The following PUDP variants were observed in gnomAD, a reference collection of about 807,000 sequenced individuals.
PUDP encodes the protein pseudouridine-5'-phosphatase.
A neutral mutation model predicts 9.4 loss-of-function variants in PUDP; 8 were observed. That is an observed-to-expected ratio of 0.85 (90% CI 0.50 to 1.53). The LOEUF (loss-of-function observed/expected upper bound fraction) is 1.53. Among genes scored for constraint, PUDP ranks in the 40% most tolerant of loss-of-function variants. The pLI is 0.00. For missense variants in PUDP, 188 were observed against 189.7 expected (o/e 0.99, Z 0.05); for synonymous variants, 99 against 80.7 (o/e 1.23, Z -1.22).
chrX:6,917,569 C>T (rs184059144), intron 3 of PUDP, among the ~76,000 whole-genome samples: 11 of 110,835 alleles, frequency 9.9e-5, no homozygotes, highest in African/African-American at 2.9e-4. Flanking sequence ...AAAATAGGGC[C>T]GACACATGAT....
intron 3 of PUDP, among the ~76,000 whole-genome samples, chrX:7,068,426 G>C (rs938246466): frequency 5.4e-5 from 6 of 111,884 alleles, no homozygotes; most frequent in Non-Finnish European, 9.4e-5. Context: ...CGTATATCGT[G>C]CATTGATAGC....
At chrX:7,112,494 T>A (rs1347181258) in intron 1 of PUDP, among the ~76,000 whole-genome samples, 2 of 111,861 alleles carry the variant, frequency 1.8e-5, no homozygotes, top group East Asian at 2.8e-4. Flanking sequence ...ATCTTGAGCA[T>A]AATTTTTATT....
At chrX:7,112,849 G>C (rs375212782) in intron 1 of PUDP, among the ~76,000 whole-genome samples, 6 of 110,808 alleles carry the variant, frequency 5.4e-5, no homozygotes, top group African/African-American at 1.6e-4. Context: ...TTTTTGTAGA[G>C]ACACGGTCTC....
chrX:6,814,373 C>T (rs1282093092), intron 3 of PUDP, among the ~76,000 whole-genome samples: 1 of 111,327 alleles, frequency 9.0e-6, no homozygotes, highest in East Asian at 2.8e-4. Context: ...ATTCTTTCAA[C>T]TATTACCCAT....
At chrX:6,959,750 A>G (rs1928680372) in intron 3 of PUDP, among the ~76,000 whole-genome samples, 1 of 112,601 alleles carries the variant, frequency 8.9e-6, no homozygotes, top group South Asian at 3.7e-4. Flanking sequence ...GCTCTTCAGT[A>G]AAATGGTGGG....
rs192372704 is a variant in PUDP, at chrX:6,823,326, G to T, written c.*248-116860C>A. On this transcript the variant is annotated intron_variant and NMD_transcript_variant, in intron 3 of 3. Coordinates refer to the PUDP transcript ENST00000655425. The stretch of plus-strand genomic sequence containing the variant: ...CTTGCAAGGCTGTCTATTGTGGGGG[G>T]ATATTTGCATCTACAGAGAATCACC... Among the ~76,000 whole-genome samples the T allele has an allele frequency of 1.7e-3, 192 of 112,247 alleles. 1 individual carries two copies. The highest frequency in any genetic ancestry group is 6.0e-3 in the African/African-American group (186 of 30,917).
At chrX:6,849,607 T>C (rs1926798777) in intron 3 of PUDP, among the ~76,000 whole-genome samples, 1 of 111,795 alleles carries the variant, frequency 8.9e-6, no homozygotes, top group Non-Finnish European at 1.9e-5. Flanking sequence ...GTTATACATA[T>C]GCATTTAATC....
chrX:6,941,982 A>T (rs977113924), intron 3 of PUDP, among the ~76,000 whole-genome samples: 1 of 111,946 alleles, frequency 8.9e-6, no homozygotes, highest in African/African-American at 3.2e-5. Flanking sequence ...TCTCCCTTAT[A>T]TAAGTGGGAA....
At chrX:6,866,065 C>T (rs1316407404) in intron 3 of PUDP, among the ~76,000 whole-genome samples, 1 of 110,637 alleles carries the variant, frequency 9.0e-6, no homozygotes, top group Admixed American at 9.7e-5. Flanking sequence ...TGATTACAGG[C>T]ACGTGCCACC....
intron 3 of PUDP, among the ~76,000 whole-genome samples, chrX:6,776,960 G>A (rs183555669): frequency 9.2e-4 from 103 of 112,347 alleles, no homozygotes; most frequent in Non-Finnish European, 1.8e-3. Flanking sequence ...AAATTACAGC[G>A]TTTAGACATT....
chrX:7,091,660 C>CA (rs1439096495), intron 2 of PUDP, among the ~76,000 whole-genome samples: 1 of 111,557 alleles, frequency 9.0e-6, no homozygotes, highest in Non-Finnish European at 1.9e-5. Context: ...CTTTTTCTTT[C>CA]ATTGGCTTTC....
chrX:7,117,616 G>A (rs1320123178), intron 1 of PUDP, among the ~76,000 whole-genome samples: 3 of 113,058 alleles, frequency 2.7e-5, no homozygotes, highest in African/African-American at 9.6e-5. Flanking sequence ...AAAAAGTTTA[G>A]GAAATATGCT....
chrX:6,725,298 T>C (rs768210155), upstream of PUDP, among the ~76,000 whole-genome samples: 45 of 112,212 alleles, frequency 4.0e-4, no homozygotes, highest in African/African-American at 1.4e-3. Context: ...GTACATTGTA[T>C]AGTGGTGAAG....
At chrX:6,901,977 G>A (rs1413398873) in intron 3 of PUDP, among the ~76,000 whole-genome samples, 2 of 110,641 alleles carry the variant, frequency 1.8e-5, no homozygotes, top group African/African-American at 3.3e-5. Flanking sequence ...AGGCACAAGC[G>A]ATTCTTCCCC....
At chrX:6,802,741 C>T (rs1000694549) in intron 3 of PUDP, among the ~76,000 whole-genome samples, 3 of 108,465 alleles carry the variant, frequency 2.8e-5, no homozygotes, top group African/African-American at 1.0e-4. Flanking sequence ...AAAAATTAGC[C>T]AGGCCTGGTG....
chrX:6,842,352 T>C (rs1353462425), intron 3 of PUDP, among the ~76,000 whole-genome samples: 1 of 111,810 alleles, frequency 8.9e-6, no homozygotes, highest in East Asian at 2.8e-4. Context: ...TTATTTATAT[T>C]GTTGTGTAGG....
downstream of PUDP, among the ~76,000 whole-genome samples, chrX:7,047,714 A>G (rs952789382): frequency 6.2e-5 from 7 of 112,615 alleles, no homozygotes. Flanking sequence ...TTGTGAGACA[A>G]AGAGTCTCAT....
At chrX:6,763,904 CCTA>C (rs1925255447) in intron 3 of PUDP, among the ~76,000 whole-genome samples, 1 of 111,960 alleles carries the variant, frequency 8.9e-6, no homozygotes, top group African/African-American at 3.2e-5. Flanking sequence ...ATAATGTTTT[CCTA>C]CACAGAGATT....
chrX:6,848,680 G>A (rs941652630), intron 3 of PUDP, among the ~76,000 whole-genome samples: 6 of 112,116 alleles, frequency 5.4e-5, no homozygotes, highest in African/African-American at 1.9e-4. Context: ...GGGTGGATCC[G>A]TCTTGAATGA....
Sources: gnomAD v4.1 joint callset for allele counts (sites outside exome capture counted in the v4.1 genomes callset) on GRCh38, gnomAD v4.1.1 for gene constraint, MANE v1.5 for transcripts, NCBI Gene and HGNC (gene_info 2026-07-23, HGNC 2026-07-21) for gene names.